The following ATXN7L1 variants were observed in gnomAD, a reference collection of about 807,000 sequenced individuals.
ATXN7L1 encodes ataxin 7 like 1.
ATXN7L1 carries 15 observed loss-of-function variants against 70.8 expected under a neutral mutation model. The observed-to-expected ratio is 0.21, with a 90% CI of 0.14 to 0.33. ATXN7L1 has a LOEUF of 0.33. Among genes scored for constraint, ATXN7L1 ranks in the 10% least tolerant of loss-of-function variants. The pLI, the probability that ATXN7L1 is intolerant of heterozygous loss-of-function variation, is 1.00. For missense variants in ATXN7L1, 975 were observed against 1,097.1 expected (o/e 0.89, Z 1.57); for synonymous variants, 440 against 445.1 (o/e 0.99, Z 0.14).
chr7:105,778,535 A>AC (rs200824538), intron 3 of ATXN7L1, among the ~76,000 whole-genome samples: 20,036 of 146,614 alleles, frequency 0.14, 1,858 homozygotes, highest in Non-Finnish European at 0.2. Context: ...AAAAAAAAAA[A>AC]CAAAGACTAA....
intron 3 of ATXN7L1, among the ~76,000 whole-genome samples, chr7:105,700,303 C>T (rs890010969): frequency 3.3e-5 from 5 of 152,056 alleles, no homozygotes; most frequent in South Asian, 2.1e-4. Context: ...GCCAGGAGTT[C>T]GATACCAGCC....
chr7:105,801,853 T>C (rs1279596775), intron 2 of ATXN7L1, among the ~76,000 whole-genome samples: 2 of 152,284 alleles, frequency 1.3e-5, no homozygotes, highest in Admixed American at 6.5e-5. Context: ...TGGCAAACAC[T>C]ACAAATCAAG....
intron 2 of ATXN7L1, among the ~76,000 whole-genome samples, chr7:105,857,853 T>TAC (rs1815960813): frequency 1.3e-5 from 2 of 152,126 alleles, no homozygotes; most frequent in African/African-American, 4.8e-5. Flanking sequence ...AATTCTAGTG[T>TAC]ACCCAGTCCT....
At chr7:105,757,431 A>G (rs1433901146) in intron 3 of ATXN7L1, among the ~76,000 whole-genome samples, 1 of 152,136 alleles carries the variant, frequency 6.6e-6, no homozygotes, top group Non-Finnish European at 1.5e-5. Flanking sequence ...CTGATTTTAC[A>G]ATGCTCTGGG....
intron 2 of ATXN7L1, among the ~76,000 whole-genome samples, chr7:105,843,545 T>C (rs990210480): frequency 6.6e-6 from 1 of 152,206 alleles, no homozygotes; most frequent in Non-Finnish European, 1.5e-5. Flanking sequence ...GGCTGACTGA[T>C]GTGTGAGCCC....
At chr7:105,617,021 T>C (rs1357281895) in intron 9 of ATXN7L1, among the ~76,000 whole-genome samples, 1 of 152,090 alleles carries the variant, frequency 6.6e-6, no homozygotes, top group Non-Finnish European at 1.5e-5. Flanking sequence ...TTGAATGGGA[T>C]CCATTTTTTC....
At position 105,606,259 on chromosome 7, in the gene ATXN7L1, A is replaced by G. The variant is rs564628978; in HGVS notation, c.*1593T>C. On this transcript the variant is annotated 3_prime_UTR_variant, in exon 12 of 12. Coordinates refer to ENST00000419735, the MANE Select transcript of ATXN7L1 (RefSeq NM_020725.2). ...TAAAAAATTTAGTAATCCTATAAGA[A>G]ACACTCACTGTCAGTGCAATTCCAT... 1.3e-5 allele frequency: 2 copies of G among 152,238 alleles called. No homozygotes were observed. The highest frequency in any genetic ancestry group is 4.8e-5 in the African/African-American group (2 of 41,458). 9.4% of individuals were successfully genotyped at this position (152,238 alleles called of 1,614,324 possible).
At chr7:105,799,853 A>C (rs909940379) in intron 2 of ATXN7L1, among the ~76,000 whole-genome samples, 4 of 152,168 alleles carry the variant, frequency 2.6e-5, no homozygotes, top group African/African-American at 7.2e-5. Context: ...CAGATATCCC[A>C]AGGCATTCTC....
chr7:105,845,204 CAAAAAAAAA>C (rs3057532), intron 2 of ATXN7L1, among the ~76,000 whole-genome samples: 1,020 of 63,022 alleles, frequency 0.016, 15 homozygotes, highest in Middle Eastern at 0.051. Flanking sequence ...AACTCTGTCT[CAAAAAAAAA>C]AAAAAAAAAA....
intron 3 of ATXN7L1, among the ~76,000 whole-genome samples, chr7:105,667,006 C>A (rs1449444443): frequency 6.6e-6 from 1 of 152,218 alleles, no homozygotes; most frequent in Non-Finnish European, 1.5e-5. Context: ...ACCATAAATA[C>A]AAGGGATACT....
intron 2 of ATXN7L1, chr7:105,820,048 A>G: frequency 7.2e-6 from 3 of 415,308 alleles, no homozygotes; most frequent in South Asian, 1.8e-5. Flanking sequence ...GAACGTGGAG[A>G]AGAAAACTGA....
At chr7:105,633,456 G>A (rs1476966637) in intron 7 of ATXN7L1, among the ~76,000 whole-genome samples, 2 of 152,132 alleles carry the variant, frequency 1.3e-5, no homozygotes, top group Admixed American at 6.5e-5. Flanking sequence ...GGTGGCTCAC[G>A]CCTGTAATCC....
At chr7:105,647,277 G>C (rs1425052967) in intron 4 of ATXN7L1, among the ~76,000 whole-genome samples, 1 of 152,184 alleles carries the variant, frequency 6.6e-6, no homozygotes, top group Non-Finnish European at 1.5e-5. Context: ...GTAGATGTTA[G>C]GTCCTCAGGC....
At position 105,852,714 on chromosome 7, in the gene ATXN7L1, CTGTT is replaced by C. The variant is rs531449187; in HGVS notation, c.250+23094_250+23097del. Among the ~76,000 whole-genome samples, 47 of 151,910 alleles carry C rather than the reference CTGTT, an allele frequency of 3.1e-4. No homozygotes were observed. In the East Asian group the frequency reaches 6.5e-3, roughly 21 times the overall value. Reference sequence around the variant, plus strand: ...AGTCACATCAGTTCTCTCCAGGTCTCTGTTTGACCCGCTCACAGATAGAAACAGG... The same window carrying C: ...AGTCACATCAGTTCTCTCCAGGTCTCTGACCCGCTCACAGATAGAAACAGG... On this transcript the variant is annotated intron_variant, in intron 2 of 11. Coordinates refer to ENST00000419735, the MANE Select transcript of ATXN7L1 (RefSeq NM_020725.2).
Position 105,649,556 on chromosome 7 carries a change from G to T in ATXN7L1, c.579-6435C>A, listed in dbSNP as rs564952780. The T allele has an allele frequency of 1.2e-4, 121 of 987,828 alleles. No homozygotes were observed. The Middle Eastern group carries it at 2.3e-3, about 18-fold the overall frequency. 61.2% of individuals were successfully genotyped at this position (987,828 alleles called of 1,614,324 possible). On this transcript the variant is annotated intron_variant, in intron 4 of 11. Coordinates refer to ENST00000419735, the MANE Select transcript of ATXN7L1 (RefSeq NM_020725.2). Reference sequence around the variant, plus strand: ...AAGTAGATTCCCCTCCCTGCCCAGTGATGTCTGCAAAAGAACAGAGGTGGA... The same window carrying T: ...AAGTAGATTCCCCTCCCTGCCCAGTTATGTCTGCAAAAGAACAGAGGTGGA...
At chr7:105,701,449 T>C (rs1792444664) in intron 3 of ATXN7L1, among the ~76,000 whole-genome samples, 1 of 152,214 alleles carries the variant, frequency 6.6e-6, no homozygotes, top group African/African-American at 2.4e-5. Flanking sequence ...TACATGGAAA[T>C]ACTTATTTTC....
intron 2 of ATXN7L1, among the ~76,000 whole-genome samples, chr7:105,811,043 G>A (rs1585058050): frequency 6.6e-6 from 1 of 152,320 alleles, no homozygotes; most frequent in African/African-American, 2.4e-5. Flanking sequence ...GATGAAGAAA[G>A]TTACGGGGTC....
At chr7:105,660,455 AT>A (rs1801410353) in intron 4 of ATXN7L1, among the ~76,000 whole-genome samples, 1 of 103,002 alleles carries the variant, frequency 9.7e-6, no homozygotes, top group Non-Finnish European at 2.0e-5. Context: ...ACTCTCTTAG[AT>A]AGAATTTTTT....
chr7:105,614,286 C>T lies in ATXN7L1; in HGVS notation c.2048G>A (p.Ser683Asn), dbSNP rs1584294226. The T allele has an allele frequency of 1.9e-6, 3 of 1,551,928 alleles. No individual in the cohort carries two copies. Among genetic ancestry groups the T allele is most frequent in the South Asian group, 1.2e-5 (1 of 84,054 alleles). Residue 683 changes from serine to asparagine, a missense_variant, in exon 10 of 12, where the codon AGT becomes AAT. Physicochemically the swap from Ser to Asn is conservative, Grantham distance 46. Transcript: ENST00000419735. The surrounding 1 kb of genome is among the most constrained non-coding windows in gnomAD (Gnocchi z 4.3). ...CGCCTGATAGGAGTTCAAAGCAGAA[C>T]TGGCATTCAAAACACAGTTCTTTTT... Reference protein sequence around the residue: ...PHKKNCVLNASSALNSYQAAP... With the variant: ...PHKKNCVLNANSALNSYQAAP...
Sources: gnomAD v4.1 joint callset for allele counts (sites outside exome capture counted in the v4.1 genomes callset) on GRCh38, gnomAD v4.1.1 for gene constraint, Gnocchi (gnomAD v3.1) non-coding constraint, MANE v1.5 for transcripts, NCBI Gene and HGNC (gene_info 2026-07-23, HGNC 2026-07-21) for gene names.